Variants in NET1 observed in about 807,000 individuals in gnomAD.
NET1 encodes the protein neuroepithelial cell transforming 1, also known as neuroepithelial cell-transforming gene 1 protein.
Under a neutral mutation model 61.1 loss-of-function variants are expected in NET1, and 42 were observed. That is an observed-to-expected ratio of 0.69 (90% CI 0.54 to 0.89). NET1 has a LOEUF of 0.89. Ranked by LOEUF, NET1 falls within the 40% of genes least tolerant of loss-of-function variation. The pLI, the probability that NET1 is intolerant of heterozygous loss-of-function variation, is 0.00. For missense variants in NET1, 654 were observed against 747.3 expected (o/e 0.88, Z 1.46); for synonymous variants, 254 against 281.8 (o/e 0.90, Z 0.99).
rs893039772 is a variant in NET1 at position 5,441,364 on chromosome 10, C to G, written c.256-10466C>G. Among the ~76,000 whole-genome samples, 1 of 152,198 alleles carries G rather than the reference C, an allele frequency of 6.6e-6. No individual in the cohort carries two copies. Among genetic ancestry groups the G allele is most frequent in the Admixed American group, 6.5e-5 (1 of 15,282 alleles). On this transcript the variant is annotated intron_variant, in intron 3 of 11. Coordinates refer to ENST00000355029, the MANE Select transcript of NET1 (RefSeq NM_001047160.3). This position sits in a 1 kb window ranked among gnomAD's most constrained non-coding sequence, Gnocchi z 4.6. ...GGTCACTCCTGTGGGGAGCCAGTTG[C>G]TATGGCAATGTCAAATTGGGCTGAG... is the stretch of plus-strand genomic sequence containing the variant.
At position 5,423,145 on chromosome 10, in the gene NET1, A is replaced by G. The variant is rs1199824445; in HGVS notation, c.129-3510A>G. Among the ~76,000 whole-genome samples, 1 of 151,938 alleles carries G rather than the reference A, an allele frequency of 6.6e-6. No individual in the cohort carries two copies. Among genetic ancestry groups the G allele is most frequent in the Admixed American group, 6.6e-5 (1 of 15,242 alleles). On this transcript the variant is annotated intron_variant, in intron 1 of 11. Coordinates refer to ENST00000355029, the MANE Select transcript of NET1 (RefSeq NM_001047160.3). This position sits in a 1 kb window ranked among gnomAD's most constrained non-coding sequence, Gnocchi z 4.4. The stretch of plus-strand genomic sequence containing the variant: ...ATCCTTTTTAAAATCTTTTTCTGAA[A>G]CTCGTTTTCATTCTACATCCATTTT...
At chr10:5,436,699 C>T (rs571114667) in intron 3 of NET1, among the ~76,000 whole-genome samples, 18 of 152,162 alleles carry the variant, frequency 1.2e-4, no homozygotes, top group African/African-American at 3.6e-4. Context: ...ATTTAACATT[C>T]CAAATACCAC....
rs1564465864 is a variant in NET1, at chr10:5,446,628, C to T, written c.256-5202C>T. 7.9e-7 allele frequency: 1 copy of T among 1,270,154 alleles called. No homozygotes were observed. Among genetic ancestry groups the T allele is most frequent in the African/African-American group, 1.5e-5 (1 of 65,972 alleles). The allele number at this position is 1,270,154 out of a possible 1,614,324, so 78.7% of individuals were successfully genotyped here. On this transcript the variant is annotated intron_variant, in intron 3 of 11. Transcript: ENST00000355029. The surrounding 1 kb of genome is among the most constrained non-coding windows in gnomAD (Gnocchi z 5.0). ...GCTCTCAGAAGCCTCTGCTCCACCGCGGCGAGAGGCATGGGCACGTGGCTG... is the reference window on the plus strand; with the variant it reads ...GCTCTCAGAAGCCTCTGCTCCACCGTGGCGAGAGGCATGGGCACGTGGCTG...
Position 5,455,864 on chromosome 10 carries a change from C to T in NET1, c.1198-223C>T, listed in dbSNP as rs1832787998. Among the ~76,000 whole-genome samples, 1 of 152,088 alleles carries T rather than the reference C, an allele frequency of 6.6e-6. No homozygotes were observed. The highest frequency in any genetic ancestry group is 2.4e-5 in the African/African-American group (1 of 41,396). ...CTGCTGCTTAATCTGATATTACATACCAATAAGAAACATTTTATTTATTCT... is the reference window on the plus strand; with the variant it reads ...CTGCTGCTTAATCTGATATTACATATCAATAAGAAACATTTTATTTATTCT... On this transcript the variant is annotated intron_variant, in intron 10 of 11. Coordinates refer to ENST00000355029, the MANE Select transcript of NET1 (RefSeq NM_001047160.3). The surrounding 1 kb of genome is among the most constrained non-coding windows in gnomAD (Gnocchi z 6.5).
In NET1 at chr10:5,423,872, CGGTT is replaced by C. The variant is rs556901065; in HGVS notation, c.129-2782_129-2779del. 1.8e-3 allele frequency among the ~76,000 whole-genome samples: 279 copies of C among 152,134 alleles called. No homozygotes were observed. Among genetic ancestry groups the C allele is most frequent in the African/African-American group, 6.0e-3 (251 of 41,508 alleles). ...CACTGTCTCACATCCTTTGTGGGCA[CGGTT>C]TGTTTTTTGGGTTCCTTTTTTCCAT... On this transcript the variant is annotated intron_variant, in intron 1 of 11. Transcript: ENST00000355029. The surrounding 1 kb of genome is among the most constrained non-coding windows in gnomAD (Gnocchi z 4.4).
rs117722441 is a variant in NET1, at chr10:5,428,985, C to A, written c.196-185C>A. ...CTGACCTCAGACGATCCGCCCTCCT[C>A]AGCCTCCTAAAGTGCTGAAATTACA... On this transcript the variant is annotated intron_variant, in intron 2 of 11. Coordinates refer to ENST00000355029, the MANE Select transcript of NET1 (RefSeq NM_001047160.3). Among the ~76,000 whole-genome samples, 978 of 151,798 alleles carry A rather than the reference C, an allele frequency of 6.4e-3. 37 individuals are homozygous for A. In the East Asian group the frequency reaches 0.11, roughly 16 times the overall value.
At chr10:5,436,360 G>A (rs909714587) in intron 3 of NET1, among the ~76,000 whole-genome samples, 11 of 144,160 alleles carry the variant, frequency 7.6e-5, no homozygotes, top group Admixed American at 7.0e-5. Context: ...CTGCCTCCCA[G>A]GTTCAAGTGA....
At position 5,456,574 on chromosome 10, in the gene NET1, A is replaced by ATT; in HGVS notation, c.1385-5_1385-4dup. The ATT allele has an allele frequency of 1.5e-5, 20 of 1,374,640 alleles. No homozygotes were observed. The highest frequency in any genetic ancestry group is 7.5e-5 in the Admixed American group (3 of 40,234). The allele number at this position is 1,374,640 out of a possible 1,614,324, so 85.2% of individuals were successfully genotyped here. On this transcript the variant is annotated splice_polypyrimidine_tract_variant and intron_variant, in intron 11 of 11. Coordinates refer to ENST00000355029, the MANE Select transcript of NET1 (RefSeq NM_001047160.3). This position sits in a 1 kb window ranked among gnomAD's most constrained non-coding sequence, Gnocchi z 7.0. ...TAGCCTGATTTCTTTTTTTTTTCCA[A>ATT]TTTTTTTTTTCAGCTAAAAATATCT...
At chr10:5,436,497 A>G (rs998216170) in intron 3 of NET1, among the ~76,000 whole-genome samples, 1 of 150,758 alleles carries the variant, frequency 6.6e-6, no homozygotes, top group Non-Finnish European at 1.5e-5. Context: ...CGGCCTCCCA[A>G]AGTGCTGAGA....
rs1588424400 is a variant in NET1 at position 5,422,174 on chromosome 10, TAA to T, written c.129-4477_129-4476del. On this transcript the variant is annotated intron_variant, in intron 1 of 11. Coordinates refer to ENST00000355029, the MANE Select transcript of NET1 (RefSeq NM_001047160.3). The surrounding 1 kb of genome is among the most constrained non-coding windows in gnomAD (Gnocchi z 4.1). ...CCTGGTCAACATGGCCTGTCTCTAC[TAA>T]AAATATAAAATTTAGCTGGGCATGG... is the stretch of plus-strand genomic sequence containing the variant. Among the ~76,000 whole-genome samples, 1 of 152,082 alleles carries T rather than the reference TAA, an allele frequency of 6.6e-6. No homozygotes were observed. The highest frequency in any genetic ancestry group is 1.9e-4 in the East Asian group (1 of 5,174).
rs778978246 is a variant in NET1, at chr10:5,428,407, G to C, written c.196-763G>C. Among the ~76,000 whole-genome samples the C allele has an allele frequency of 1.9e-4, 28 of 150,002 alleles. 1 individual carries two copies. Among genetic ancestry groups the C allele is most frequent in the Non-Finnish European group, 1.8e-4 (12 of 67,770 alleles). ...CTTCTAGTTAATCAATCCTGCCTCA[G>C]GCAACAAATCTTAATTACTTTGGGC... On this transcript the variant is annotated intron_variant, in intron 2 of 11. Coordinates refer to ENST00000355029, the MANE Select transcript of NET1 (RefSeq NM_001047160.3).
chr10:5,455,988 AATC>A lies in NET1; in HGVS notation c.1198-98_1198-96del. On this transcript the variant is annotated intron_variant, in intron 10 of 11. Coordinates refer to ENST00000355029, the MANE Select transcript of NET1 (RefSeq NM_001047160.3). The surrounding 1 kb of genome is among the most constrained non-coding windows in gnomAD (Gnocchi z 6.5). Reference sequence around the variant, plus strand: ...CACTTAGAGAGATCTTCGAAAAATAAATCTGATGAAATTAATAATGTCGAGTTA... The same window carrying A: ...CACTTAGAGAGATCTTCGAAAAATAATGATGAAATTAATAATGTCGAGTTA... 2.5e-6 allele frequency: 3 copies of A among 1,217,268 alleles called. No homozygotes were observed. Among genetic ancestry groups the A allele is most frequent in the Non-Finnish European group, 3.4e-6 (3 of 881,946 alleles). The allele number at this position is 1,217,268 out of a possible 1,614,324, so 75.4% of individuals were successfully genotyped here. A position where few individuals can be genotyped will look rare whatever the true frequency, so the allele number is the denominator to read the frequency against.
In NET1 at chr10:5,454,608, C is replaced by T; in HGVS notation, c.1026+86C>T. On this transcript the variant is annotated intron_variant, in intron 9 of 11. Transcript: ENST00000355029. The surrounding 1 kb of genome is among the most constrained non-coding windows in gnomAD (Gnocchi z 8.1). ...ACGTTATCTTCTGAAGATGCTGATT[C>T]ACATCAGCATAGTGAATTGTTTTGT... The T allele has an allele frequency of 7.1e-7, 1 of 1,407,108 alleles. No homozygotes were observed. The highest frequency in any genetic ancestry group is 1.4e-5 in the South Asian group (1 of 72,768). The allele number at this position is 1,407,108 out of a possible 1,614,324, so 87.2% of individuals were successfully genotyped here.
At chr10:5,436,248 A>ATATATTTTTTT (rs1564462826) in intron 3 of NET1, among the ~76,000 whole-genome samples, 2 of 18,428 alleles carry the variant, frequency 1.1e-4, no homozygotes, top group Non-Finnish European at 1.9e-4. Context: ...ATATATATAT[A>ATATATTTTTTT]TTTTTTTTTT....
At position 5,446,595 on chromosome 10, in the gene NET1, T is replaced by G; in HGVS notation, c.256-5235T>G. On this transcript the variant is annotated intron_variant, in intron 3 of 11. Transcript: ENST00000355029. This position sits in a 1 kb window ranked among gnomAD's most constrained non-coding sequence, Gnocchi z 5.0. Reference sequence around the variant, plus strand: ...CCCGAGCCCTGGGGTCGGTGCTTGCTGCCTGCGGCTCTCAGAAGCCTCTGC... The same window carrying G: ...CCCGAGCCCTGGGGTCGGTGCTTGCGGCCTGCGGCTCTCAGAAGCCTCTGC... 8.3e-7 allele frequency: 1 copy of G among 1,209,538 alleles called. No individual in the cohort carries two copies. Among genetic ancestry groups the G allele is most frequent in the African/African-American group, 1.6e-5 (1 of 64,338 alleles). The allele number at this position is 1,209,538 out of a possible 1,614,324, so 74.9% of individuals were successfully genotyped here.
Position 5,452,889 on chromosome 10 carries a change from A to T in NET1, c.563A>T (p.Asp188Val). Residue 188 changes from aspartate to valine, a missense_variant, in exon 6 of 12, where the codon GAT (aspartate) becomes GTT (valine). Coordinates refer to ENST00000355029, the MANE Select transcript of NET1 (RefSeq NM_001047160.3). This position sits in a 1 kb window ranked among gnomAD's most constrained non-coding sequence, Gnocchi z 4.0. ...AIYEMSRGEQ[D>V]LIEDLKLARK... ...TATGAAATGTCCCGAGGTGAACAGGATTTAATTGAGGATCTCAAACTTGCA... is the reference window on the plus strand; with the variant it reads ...TATGAAATGTCCCGAGGTGAACAGGTTTTAATTGAGGATCTCAAACTTGCA... The T allele has an allele frequency of 6.2e-7, 1 of 1,613,644 alleles. No individual in the cohort carries two copies. The highest frequency in any genetic ancestry group is 8.5e-7 in the Non-Finnish European group (1 of 1,179,668).
chr10:5,434,148 TGA>T (rs1298656991), intron 3 of NET1, among the ~76,000 whole-genome samples: 7 of 152,248 alleles, frequency 4.6e-5, no homozygotes, highest in Admixed American at 2.6e-4. Context: ...TCCTGTATGG[TGA>T]GAGGAATAGG....
chr10:5,431,510 A>G lies in NET1; in HGVS notation c.255+2281A>G, dbSNP rs1480136585. On this transcript the variant is annotated intron_variant, in intron 3 of 11. Transcript: ENST00000355029. This position sits in a 1 kb window ranked among gnomAD's most constrained non-coding sequence, Gnocchi z 4.9. The stretch of plus-strand genomic sequence containing the variant: ...TTCTTGGTGGTTGCAAAGTGATGAC[A>G]TGTCTTTATCAGACCTCTGTTTATT... 6.6e-6 allele frequency among the ~76,000 whole-genome samples: 1 copy of G among 151,762 alleles called. No homozygotes were observed. The highest frequency in any genetic ancestry group is 1.5e-5 in the Non-Finnish European group (1 of 67,926).
rs541729993 is a variant in NET1, at chr10:5,431,098, C to T, written c.255+1869C>T. 1.3e-5 allele frequency among the ~76,000 whole-genome samples: 2 copies of T among 151,900 alleles called. No individual in the cohort carries two copies. Among genetic ancestry groups the T allele is most frequent in the African/African-American group, 2.4e-5 (1 of 41,358 alleles). On this transcript the variant is annotated intron_variant, in intron 3 of 11. Transcript: ENST00000355029. The surrounding 1 kb of genome is among the most constrained non-coding windows in gnomAD (Gnocchi z 4.9). ...GTGTTAGCCAGGATGGTCTCGATCT[C>T]CTGACCTCGTGATCCGCCTGCCTCG...
Sources: allele counts gnomAD v4.1 joint callset (sites outside exome capture counted in the v4.1 genomes callset), GRCh38; gene constraint gnomAD v4.1.1; non-coding constraint Gnocchi (gnomAD v3.1); transcripts MANE v1.5; gene names NCBI Gene and HGNC (gene_info 2026-07-23, HGNC 2026-07-21).